Variants in TRABD2A observed in about 807,000 individuals in gnomAD.
TRABD2A encodes metalloprotease TIKI1.
TRABD2A carries 43 observed loss-of-function variants against 45.6 expected under a neutral mutation model. The observed-to-expected ratio is 0.94, with a 90% CI of 0.74 to 1.22. TRABD2A has a LOEUF of 1.22. Among genes scored for constraint, TRABD2A ranks in the 50% most tolerant of loss-of-function variants. The pLI, the probability that TRABD2A is intolerant of heterozygous loss-of-function variation, is 0.00. For synonymous variants in TRABD2A, 269 were observed against 265.0 expected, an observed-to-expected ratio of 1.02 and a Z score of -0.15; for missense variants, 642 against 652.4, an observed-to-expected ratio of 0.98 and a Z score of 0.17.
intron 5 of TRABD2A, among the ~76,000 whole-genome samples, chr2:84,826,997 G>A (rs1681169671): frequency 6.6e-6 from 1 of 152,186 alleles, no homozygotes; most frequent in East Asian, 1.9e-4. Context: ...AGGGGTTTAA[G>A]GGTCCCTAGG....
At chr2:84,839,408 C>G (rs1681634913) in intron 3 of TRABD2A, 85 bp from the exon 4 acceptor site, 2 of 1,324,978 alleles carry the variant, frequency 1.5e-6, no homozygotes, top group Non-Finnish European at 2.1e-6. Flanking sequence ...ATCCCCCAAC[C>G]TAGATGGTCA....
intron 5 of TRABD2A, among the ~76,000 whole-genome samples, chr2:84,826,467 G>A (rs982415650): frequency 1.3e-5 from 2 of 152,168 alleles, no homozygotes; most frequent in African/African-American, 4.8e-5. Context: ...TTACAATTAA[G>A]GAAACTGAAG....
intron 2 of TRABD2A, among the ~76,000 whole-genome samples, chr2:84,863,779 T>C (rs1682586364): frequency 6.6e-6 from 1 of 151,730 alleles, no homozygotes; most frequent in South Asian, 2.1e-4. Context: ...ACCTGGCTAA[T>C]TTTTTGTATT....
chr2:84,878,352 C>T (rs543584467), intron 1 of TRABD2A, among the ~76,000 whole-genome samples: 1 of 152,080 alleles, frequency 6.6e-6, no homozygotes, highest in Non-Finnish European at 1.5e-5. Context: ...TAGTGGAACC[C>T]CATCTCTACT....
Position 84,832,099 on chromosome 2 carries a change from T to G in TRABD2A, c.1038A>C (p.Glu346Asp). The G allele has an allele frequency of 6.2e-7, 1 of 1,614,002 alleles. No homozygotes were observed. Among genetic ancestry groups the G allele is most frequent in the Non-Finnish European group, 8.5e-7 (1 of 1,179,898 alleles). Reference protein sequence around the residue: ...NNTVLDVLRREGYEVEHAPAG... With the variant: ...NNTVLDVLRRDGYEVEHAPAG... ...CAGGGGCGTGTTCTACCTCATAGCC[T>G]TCACGCCGCAAAACATCCAGCACTG... is the stretch of plus-strand genomic sequence containing the variant. The change falls in exon 5 of 7, where the codon GAA becomes GAC. Residue 346 changes from glutamate (E) to aspartate (D), a missense_variant. Coordinates refer to ENST00000409520, the MANE Select transcript of TRABD2A (RefSeq NM_001277053.2).
At chr2:84,862,955 C>T (rs1296099463) in intron 2 of TRABD2A, among the ~76,000 whole-genome samples, 1 of 152,090 alleles carries the variant, frequency 6.6e-6, no homozygotes, top group Non-Finnish European at 1.5e-5. Context: ...AAAATAACTG[C>T]AAAAGACACT....
intron 4 of TRABD2A, chr2:84,832,848 G>C (rs1431711799): frequency 6.6e-6 from 1 of 151,990 alleles, no homozygotes; most frequent in Non-Finnish European, 1.5e-5. Context: ...AGGATGGAAT[G>C]CAATTGTGCT....
chr2:84,840,082 A>T (rs995666107), intron 3 of TRABD2A, among the ~76,000 whole-genome samples: 9 of 151,716 alleles, frequency 5.9e-5, no homozygotes, highest in African/African-American at 2.2e-4. Context: ...GGACTTAACA[A>T]TGTTACCCAT....
intron 1 of TRABD2A, among the ~76,000 whole-genome samples, chr2:84,875,658 T>A (rs542028503): frequency 7.1e-4 from 108 of 152,202 alleles, no homozygotes; most frequent in African/African-American, 2.5e-3. Flanking sequence ...ACCAAAATAA[T>A]CTGAGTGGGA....
intron 4 of TRABD2A, chr2:84,835,076 C>A (rs1559085839): frequency 6.6e-6 from 1 of 152,134 alleles, no homozygotes; most frequent in Non-Finnish European, 1.5e-5. Flanking sequence ...TTTATTATAG[C>A]CTAGTGAGTA....
At chr2:84,843,199 C>T (rs1681769878) in intron 2 of TRABD2A, among the ~76,000 whole-genome samples, 1 of 152,042 alleles carries the variant, frequency 6.6e-6, no homozygotes, top group Non-Finnish European at 1.5e-5. Context: ...TGTGCTTCCC[C>T]AGTAATCAGC....
chr2:84,879,540 T>C, intron 1 of TRABD2A: 1 of 956,982 alleles, frequency 1.0e-6, no homozygotes, highest in East Asian at 1.2e-4. Flanking sequence ...GACGATGGAA[T>C]AAAGGACTCA....
chr2:84,880,667 G>T (rs1166711360), intron 1 of TRABD2A, among the ~76,000 whole-genome samples: 1 of 152,244 alleles, frequency 6.6e-6, no homozygotes, highest in African/African-American at 2.4e-5. Flanking sequence ...CGAGACCCCA[G>T]AGGCTCTCTC....
rs1681287246 is a variant in TRABD2A at position 84,830,233 on chromosome 2, C to T, written c.1082+1822G>A. On this transcript the variant is annotated intron_variant, in intron 5 of 6. Coordinates refer to ENST00000409520, the MANE Select transcript of TRABD2A (RefSeq NM_001277053.2). This position sits in a 1 kb window ranked among gnomAD's most constrained non-coding sequence, Gnocchi z 4.9. ...TGCAGGAGAACAGGAAGGAGAGAGG[C>T]AGGAGACGTGAGCCTGCAACAGAGC... Among the ~76,000 whole-genome samples the T allele has an allele frequency of 6.6e-6, 1 of 152,144 alleles. No individual in the cohort carries two copies. Among genetic ancestry groups the T allele is most frequent in the African/African-American group, 2.4e-5 (1 of 41,414 alleles).
At chr2:84,832,369 G>A (rs934844546) in intron 4 of TRABD2A, 1 of 550,636 alleles carries the variant, frequency 1.8e-6, no homozygotes, top group African/African-American at 1.9e-5. Flanking sequence ...CTGAAGATCA[G>A]AACAATGCAG....
intron 1 of TRABD2A, among the ~76,000 whole-genome samples, chr2:84,872,345 C>CA (rs1343242210): frequency 6.6e-6 from 1 of 152,012 alleles, no homozygotes; most frequent in Non-Finnish European, 1.5e-5. Flanking sequence ...CCCATCTCTA[C>CA]AAAAAATACC....
intron 2 of TRABD2A, among the ~76,000 whole-genome samples, chr2:84,861,022 G>C (rs1682477869): frequency 6.6e-6 from 1 of 152,176 alleles, no homozygotes; most frequent in East Asian, 1.9e-4. Context: ...TCAGGCCCTC[G>C]AGCTTGGATT....
chr2:84,823,819 T>A lies in TRABD2A; in HGVS notation c.1334+134A>T, dbSNP rs1050303752. 53 of 1,254,508 alleles carry A rather than the reference T, an allele frequency of 4.2e-5. No homozygotes were observed. In the East Asian group the frequency reaches 1.3e-3, roughly 30 times the overall value. 77.7% of individuals were successfully genotyped at this position (1,254,508 alleles called of 1,614,324 possible). The stretch of plus-strand genomic sequence containing the variant: ...TCTGTCACAGTGGACAGAAAAAGGG[T>A]GCCTGGGGTCATGAGGAAAGGGAAA... On this transcript the variant is annotated intron_variant, in intron 6 of 6. Transcript: ENST00000409520.
intron 2 of TRABD2A, among the ~76,000 whole-genome samples, chr2:84,863,346 A>G (rs1027310909): frequency 7.0e-5 from 10 of 142,870 alleles, no homozygotes; most frequent in Admixed American, 2.2e-4. Context: ...CTGGGTTCAC[A>G]CCATTCTCCT....
Sources: gnomAD v4.1 joint callset for allele counts (sites outside exome capture counted in the v4.1 genomes callset) on GRCh38, gnomAD v4.1.1 for gene constraint, Gnocchi (gnomAD v3.1) non-coding constraint, MANE v1.5 for transcripts, NCBI Gene and HGNC (gene_info 2026-07-23, HGNC 2026-07-21) for gene names.